TFAP2E: variants seen among roughly 807,000 people sequenced by gnomAD.
The protein encoded by TFAP2E is transcription factor AP-2 epsilon.
A neutral mutation model predicts 37.9 loss-of-function variants in TFAP2E; 30 were observed. The observed-to-expected ratio is 0.79, with a 90% confidence interval of 0.59 to 1.07. The LOEUF (loss-of-function observed/expected upper bound fraction) is 1.07. Among genes scored for constraint, TFAP2E ranks in the 50% least tolerant of loss-of-function variants. TFAP2E has a pLI of 0.00. For missense variants in TFAP2E, 567 were observed against 637.9 expected, an observed-to-expected ratio of 0.89 and a Z score of 1.20; for synonymous variants, 318 against 295.8, an observed-to-expected ratio of 1.08 and a Z score of -0.77.
rs1028198132 is a variant in TFAP2E, at chr1:35,577,797, C to G, written c.562+2797C>G. The stretch of plus-strand genomic sequence containing the variant: ...CGGGAGGGGCGGCCAGGCGAAGCCC[C>G]GGCGCTTTACCACACACTTCCGGGT... On this transcript the variant is annotated intron_variant, in intron 3 of 6. Coordinates refer to ENST00000373235, the MANE Select transcript of TFAP2E (RefSeq NM_178548.4). The surrounding 1 kb of genome is among the most constrained non-coding windows in gnomAD (Gnocchi z 6.3). 4.3e-6 allele frequency: 1 copy of G among 231,148 alleles called. No individual in the cohort carries two copies. The highest frequency in any genetic ancestry group is 1.2e-4 in the East Asian group (1 of 8,464). The allele number at this position is 231,148 out of a possible 1,614,324, so 14.3% of individuals were successfully genotyped here.
chr1:35,582,636 C>G (rs1649382130), intron 3 of TFAP2E, among the ~76,000 whole-genome samples: 1 of 149,254 alleles, frequency 6.7e-6, no homozygotes, highest in Non-Finnish European at 1.5e-5. Context: ...AGCAACTGCT[C>G]TCTTTTTTTT....
In TFAP2E at chr1:35,573,664, A is replaced by C. The variant is rs1649077184; in HGVS notation, c.27+60A>C. The C allele has an allele frequency of 2.6e-6, 4 of 1,531,944 alleles. No individual in the cohort carries two copies. The highest frequency in any genetic ancestry group is 3.5e-6 in the Non-Finnish European group (4 of 1,139,676). 94.9% of individuals were successfully genotyped at this position (1,531,944 alleles called of 1,614,324 possible). On this transcript the variant is annotated intron_variant, in intron 1 of 6. Transcript: ENST00000373235. This position sits in a 1 kb window ranked among gnomAD's most constrained non-coding sequence, Gnocchi z 5.9. ...GGGGATCGGGGCGCCTGAGTGCTGG[A>C]CTTTCCAACCCTCCTGTCCCGCGCT...
intron 3 of TFAP2E, among the ~76,000 whole-genome samples, chr1:35,585,704 T>C (rs942345743): frequency 6.6e-6 from 1 of 152,124 alleles, no homozygotes; most frequent in African/African-American, 2.4e-5. Context: ...TAATATATTA[T>C]TTACTATTAT....
At chr1:35,574,500 G>T (rs183495025) in intron 2 of TFAP2E, 91 bp downstream of exon 2, 1 of 1,331,306 alleles carries the variant, frequency 7.5e-7, no homozygotes, top group South Asian at 1.9e-5. Context: ...GCAGGAAGCC[G>T]ACTTTTCTCC....
chr1:35,576,864 G>C (rs1287018604), intron 3 of TFAP2E, among the ~76,000 whole-genome samples: 1 of 151,932 alleles, frequency 6.6e-6, no homozygotes, highest in African/African-American at 2.4e-5. Flanking sequence ...GGGGCGGGAC[G>C]CGGCCGCGCG....
chr1:35,587,405 C>T (rs932489314), intron 3 of TFAP2E, among the ~76,000 whole-genome samples: 3 of 151,838 alleles, frequency 2.0e-5, no homozygotes, highest in African/African-American at 7.3e-5. Context: ...TTTGGGAGGC[C>T]GAGGCGGGTG....
chr1:35,589,186 CTCTGTGTGTGTGTGTGTGTGTG>C (rs1480228790), intron 4 of TFAP2E, among the ~76,000 whole-genome samples: 6 of 133,496 alleles, frequency 4.5e-5, no homozygotes, highest in East Asian at 2.4e-4. Context: ...GTGTGTCCTG[CTCTGTGTGTGTGTGTGTGTGTG>C]TGTGTGTGTG....
At chr1:35,592,944 G>A (rs1419955066) in intron 6 of TFAP2E, among the ~76,000 whole-genome samples, 2 of 152,148 alleles carry the variant, frequency 1.3e-5, no homozygotes, top group African/African-American at 4.8e-5. Context: ...ATCACCTAGT[G>A]GGGTAGAATT....
chr1:35,594,904 A>AT lies in TFAP2E; in HGVS notation c.*232dup, dbSNP rs1428501812. On this transcript the variant is annotated 3_prime_UTR_variant, in exon 7 of 7. Coordinates refer to ENST00000373235, the MANE Select transcript of TFAP2E (RefSeq NM_178548.4). ...CCCAGGTATTTGTCTCATGTGTGCA[A>AT]TTTTCTGACCTTTGATGGTTGAGAA... 5.0e-6 allele frequency: 3 copies of AT among 605,676 alleles called. No individual in the cohort carries two copies. The highest frequency in any genetic ancestry group is 8.5e-6 in the Non-Finnish European group (3 of 352,688). 37.5% of individuals were successfully genotyped at this position (605,676 alleles called of 1,614,324 possible). A position where few individuals can be genotyped will look rare whatever the true frequency, so the allele number is the denominator to read the frequency against.
In TFAP2E at chr1:35,595,010, G is replaced by C. The variant is rs1252978652; in HGVS notation, c.*334G>C. The C allele has an allele frequency of 5.9e-6, 2 of 338,452 alleles. No homozygotes were observed. The highest frequency in any genetic ancestry group is 9.7e-5 in the Admixed American group (2 of 20,518). 21.0% of individuals were successfully genotyped at this position (338,452 alleles called of 1,614,324 possible). A position where few individuals can be genotyped will look rare whatever the true frequency, so the allele number is the denominator to read the frequency against. On this transcript the variant is annotated 3_prime_UTR_variant, in exon 7 of 7. Transcript: ENST00000373235. ...CCATTAGCGTGGCTGGGTGGCCGTG[G>C]GTGCTTCTAGAGGCCAAAGCCTTTG...
chr1:35,580,828 C>T (rs1044255192), intron 3 of TFAP2E, among the ~76,000 whole-genome samples: 1 of 151,482 alleles, frequency 6.6e-6, no homozygotes, highest in South Asian at 2.1e-4. Flanking sequence ...TGCATGAGAA[C>T]CCCTGGAAGT....
intron 3 of TFAP2E, among the ~76,000 whole-genome samples, chr1:35,578,592 G>C (rs1649252107): frequency 1.3e-5 from 2 of 152,130 alleles, no homozygotes; most frequent in African/African-American, 4.8e-5. Flanking sequence ...CACGGGCTCA[G>C]CTGTCCAATC....
chr1:35,587,724 G>C (rs1649525407), intron 3 of TFAP2E, among the ~76,000 whole-genome samples: 1 of 151,914 alleles, frequency 6.6e-6, no homozygotes, highest in Admixed American at 6.6e-5. Context: ...TAGATAATTA[G>C]GGAGTGTTTG....
At chr1:35,576,288 G>A (rs1571096518) in intron 3 of TFAP2E, among the ~76,000 whole-genome samples, 1 of 152,162 alleles carries the variant, frequency 6.6e-6, no homozygotes, top group South Asian at 2.1e-4. Flanking sequence ...AGGCAACAGG[G>A]CAGGAAGTGG....
chr1:35,577,556 C>G lies in TFAP2E; in HGVS notation c.562+2556C>G, dbSNP rs1649216462. The G allele has an allele frequency of 2.5e-6, 1 of 400,258 alleles. No homozygotes were observed. The highest frequency in any genetic ancestry group is 2.1e-5 in the African/African-American group (1 of 48,064). 24.8% of individuals were successfully genotyped at this position (400,258 alleles called of 1,614,324 possible). On this transcript the variant is annotated intron_variant, in intron 3 of 6. Coordinates refer to ENST00000373235, the MANE Select transcript of TFAP2E (RefSeq NM_178548.4). The surrounding 1 kb of genome is among the most constrained non-coding windows in gnomAD (Gnocchi z 6.3). Reference sequence around the variant, plus strand: ...GTCGGATCCCTACAGTGCCTCCCAGCCTGGGCGGGAGCGGCGGCTGCGTCG... The same window carrying G: ...GTCGGATCCCTACAGTGCCTCCCAGGCTGGGCGGGAGCGGCGGCTGCGTCG...
chr1:35,579,246 A>G (rs1649276071), intron 3 of TFAP2E, among the ~76,000 whole-genome samples: 1 of 151,080 alleles, frequency 6.6e-6, no homozygotes, highest in Non-Finnish European at 1.5e-5. Context: ...AAATACAAAA[A>G]TTAGCTGGGT....
Position 35,574,042 on chromosome 1 carries a change from C to G in TFAP2E, c.143C>G (p.Ala48Gly), listed in dbSNP as rs901585356. ...CACACGCCGGCCGCCACAGCTGCCG[C>G]CGAATTCCAGCCGCCCTACTTCCCG... is the stretch of plus-strand genomic sequence containing the variant. ...LCHTPAATAA[A>G]EFQPPYFPPP... The change falls in exon 2 of 7, where the codon GCC (alanine) becomes GGC (glycine). Residue 48 changes from alanine to glycine, a missense_variant. Around this residue, in one of 3 missense-constraint regions of TFAP2E, gnomAD observed 312 missense variants for 317.4 expected, o/e 0.98. Transcript: ENST00000373235. 3 of 1,485,494 alleles carry G rather than the reference C, an allele frequency of 2.0e-6. No homozygotes were observed. The African/African-American group carries it at 4.4e-5, about 22-fold the overall frequency. 92.0% of individuals were successfully genotyped at this position (1,485,494 alleles called of 1,614,324 possible).
In TFAP2E at chr1:35,588,501, T is replaced by A. The variant is rs770554567; in HGVS notation, c.734T>A (p.Leu245His). 2 of 1,606,770 alleles carry A rather than the reference T, an allele frequency of 1.2e-6. No homozygotes were observed. The highest frequency in any genetic ancestry group is 1.7e-6 in the Non-Finnish European group (2 of 1,177,612). Residue 245 changes from leucine to histidine, a missense_variant, in exon 4 of 7, where the codon CTC becomes CAC. Leu to His is a moderately conservative substitution (Grantham distance 99). Around this residue, in one of 3 missense-constraint regions of TFAP2E, gnomAD observed 252 missense variants for 302.6 expected, o/e 0.83. Transcript: ENST00000373235. The surrounding 1 kb of genome is among the most constrained non-coding windows in gnomAD (Gnocchi z 5.1). Reference sequence around the variant, plus strand: ...ACGGTGGGGGAGGTGCAGCGGCGACTCTCGCCTCCCGAGTGCCTCAACGCC... The same window carrying A: ...ACGGTGGGGGAGGTGCAGCGGCGACACTCGCCTCCCGAGTGCCTCAACGCC... ...KVTVGEVQRR[L>H]SPPECLNASL...
intron 2 of TFAP2E, 158 bp downstream of exon 2, chr1:35,574,567 C>T (rs561744262): frequency 1.6e-6 from 2 of 1,275,220 alleles, no homozygotes; most frequent in South Asian, 3.6e-5. Context: ...CTGGGTTAGA[C>T]GTTGCCTGGC....
Sources: allele counts gnomAD v4.1 joint callset (sites outside exome capture counted in the v4.1 genomes callset), GRCh38; gene constraint gnomAD v4.1.1; regional missense constraint gnomAD v4.1.1; non-coding constraint Gnocchi (gnomAD v3.1); transcripts MANE v1.5; gene names NCBI Gene and HGNC (gene_info 2026-07-23, HGNC 2026-07-21).